The following CEP164 variants were observed in gnomAD, a reference collection of about 807,000 sequenced individuals.
CEP164 encodes centrosomal protein 164, also known as centrosomal protein of 164 kDa.
In CEP164, 162 loss-of-function variants were observed where a neutral mutation model predicts 182.7. The observed-to-expected ratio is 0.89, with a 90% CI of 0.78 to 1.01. CEP164 has a LOEUF of 1.01. Among genes scored for constraint, CEP164 ranks in the 50% least tolerant of loss-of-function variants. The pLI is 0.00. For missense variants in CEP164, 1,735 were observed against 1,790.4 expected (o/e 0.97, Z 0.56); for synonymous variants, 661 against 690.0 (o/e 0.96, Z 0.66).
In CEP164 at chr11:117,412,323, AGC is replaced by A; in HGVS notation, c.*156_*157del. 1.6e-6 allele frequency: 1 copy of A among 614,536 alleles called. No homozygotes were observed. Among genetic ancestry groups the A allele is most frequent in the South Asian group, 2.0e-5 (1 of 50,610 alleles). 38.1% of individuals were successfully genotyped at this position (614,536 alleles called of 1,614,324 possible). A position where few individuals can be genotyped will look rare whatever the true frequency, so the allele number is the denominator to read the frequency against. On this transcript the variant is annotated 3_prime_UTR_variant, in exon 33 of 33. Transcript: ENST00000278935. ...ACCAGGGGGTTGAGTGGAACAGTAAAGCCACACATTCTGTGACTATATAACCT... is the reference window on the plus strand; with the variant it reads ...ACCAGGGGGTTGAGTGGAACAGTAAACACACATTCTGTGACTATATAACCT...
At position 117,387,252 on chromosome 11, in the gene CEP164, C is replaced by G; in HGVS notation, c.1774C>G (p.Leu592Val). 1 of 1,614,204 alleles carries G rather than the reference C, an allele frequency of 6.2e-7. No individual in the cohort carries two copies. The highest frequency in any genetic ancestry group is 8.5e-7 in the Non-Finnish European group (1 of 1,180,028). ...CCCAGAGCAGCTCTCAGAGGCTGCACTAAAGGCCATGGAAGAGGCAGTGGC... is the reference window on the plus strand; with the variant it reads ...CCCAGAGCAGCTCTCAGAGGCTGCAGTAAAGGCCATGGAAGAGGCAGTGGC... ...APPEQLSEAA[L>V]KAMEEAVAQV... is the part of the protein sequence containing the mutation. Residue 592 changes from leucine (L) to valine (V), a missense_variant, in exon 15 of 33, where the codon CTA becomes GTA. By Grantham distance (32) the Leu-to-Val change is conservative (BLOSUM62 1). Transcript: ENST00000278935.
intron 3 of CEP164, among the ~76,000 whole-genome samples, chr11:117,343,487 A>C (rs1180400534): frequency 6.6e-6 from 1 of 152,152 alleles, no homozygotes; most frequent in African/African-American, 2.4e-5. Context: ...GTGCTTTTGC[A>C]CCAAGCTTTT....
In CEP164 at chr11:117,371,061, ATGGTCTGT is replaced by A. The variant is rs1262539221; in HGVS notation, c.766-16_766-9del. ...CATTCCTTTTGTCTTCCTTTCTAAC[ATGGTCTGT>A]TGCTCCCTAGGAGTCTCTGAGAACA... On this transcript the variant is annotated splice_polypyrimidine_tract_variant and intron_variant, in intron 8 of 32. Coordinates refer to ENST00000278935, the MANE Select transcript of CEP164 (RefSeq NM_014956.5). The A allele has an allele frequency of 5.8e-6, 9 of 1,545,868 alleles. No individual in the cohort carries two copies. The highest frequency in any genetic ancestry group is 2.8e-5 in the African/African-American group (2 of 72,244).
At chr11:117,404,613 G>T (rs1011731921) in intron 27 of CEP164, among the ~76,000 whole-genome samples, 4 of 152,252 alleles carry the variant, frequency 2.6e-5, no homozygotes, top group Non-Finnish European at 5.9e-5. Flanking sequence ...GTGTCTCCCA[G>T]TCAGGAGGCA....
intron 11 of CEP164, among the ~76,000 whole-genome samples, chr11:117,376,261 A>G (rs909055165): frequency 5.9e-5 from 9 of 151,458 alleles, no homozygotes; most frequent in African/African-American, 2.2e-4. Flanking sequence ...CTGGAGGTTC[A>G]CCTCTGACAC....
Position 117,397,096 on chromosome 11 carries a change from C to A in CEP164, c.3284C>A (p.Ser1095Tyr). 6.2e-7 allele frequency: 1 copy of A among 1,613,772 alleles called. No individual in the cohort carries two copies. The highest frequency in any genetic ancestry group is 8.5e-7 in the Non-Finnish European group (1 of 1,179,804). The change falls in exon 27 of 33, where the codon TCC (serine) becomes TAC (tyrosine). Residue 1095 changes from serine to tyrosine, a missense_variant. Ser to Tyr is a moderately radical substitution (Grantham distance 144). Transcript: ENST00000278935. ...CTTCAACTCTCCTGCTCCAGCCTGT[C>A]CTCCCACAATGTCTGGCACCTCCTC... The part of the protein sequence containing the change: ...SKEDLYLDSL[S>Y]SHNVWHLLSA...
chr11:117,391,078 C>T lies in CEP164; in HGVS notation c.2146C>T (p.Gln716Ter). Residue 716 changes from glutamine to a stop codon, truncating the protein, a stop_gained, in exon 17 of 33, where the codon CAG (glutamine) becomes TAG (stop). Coordinates refer to ENST00000278935, the MANE Select transcript of CEP164 (RefSeq NM_014956.5). LOFTEE classifies it high-confidence loss of function. ...QQKAERASLE[Q>*]KNRQMLEQLK... Reference sequence around the variant, plus strand: ...GAAGGCTGAGAGGGCCAGCTTGGAACAGAAAAATAGGCAAATGCTGGAGCA... The same window carrying T: ...GAAGGCTGAGAGGGCCAGCTTGGAATAGAAAAATAGGCAAATGCTGGAGCA... 6.2e-7 allele frequency: 1 copy of T among 1,614,088 alleles called. No individual in the cohort carries two copies. The highest frequency in any genetic ancestry group is 8.5e-7 in the Non-Finnish European group (1 of 1,180,042).
intron 15 of CEP164, among the ~76,000 whole-genome samples, chr11:117,387,705 G>C (rs192491151): frequency 1.3e-5 from 2 of 152,316 alleles, no homozygotes; most frequent in Admixed American, 6.5e-5. Context: ...TGAGCCATCT[G>C]TCACAGTCCC....
intron 27 of CEP164, among the ~76,000 whole-genome samples, chr11:117,407,025 A>T (rs1468652783): frequency 1.3e-5 from 2 of 151,882 alleles, no homozygotes; most frequent in Admixed American, 1.3e-4. Flanking sequence ...ACCCAGGAGG[A>T]GGTGGAGGTT....
At chr11:117,325,415 C>T (rs865940903), upstream of CEP164, among the ~76,000 whole-genome samples, 3 of 149,830 alleles carry the variant, frequency 2.0e-5, no homozygotes, top group South Asian at 2.1e-4. Context: ...GACAGAGCTT[C>T]GCTCTTGTCA....
At chr11:117,363,611 A>G in intron 8 of CEP164, 105 bp downstream of exon 8, 1 of 765,824 alleles carries the variant, frequency 1.3e-6, no homozygotes, top group Non-Finnish European at 2.1e-6. Flanking sequence ...AAAAAGAACC[A>G]TTTTGTCCCA....
At chr11:117,408,812 C>T (rs755685114) in intron 28 of CEP164, 78 bp from the exon 29 acceptor site, 58 of 1,578,258 alleles carry the variant, frequency 3.7e-5, no homozygotes, top group Admixed American at 6.9e-5. Context: ...AGTGTCCCAG[C>T]CACTTCCTAG....
intron 12 of CEP164, 33 bp downstream of exon 12, chr11:117,380,738 T>G: frequency 8.5e-6 from 13 of 1,535,466 alleles, no homozygotes; most frequent in Middle Eastern, 2.2e-4. Flanking sequence ...CCCAGCGCTG[T>G]GCCTTCAGGG....
At chr11:117,337,582 C>T (rs2037392051) in intron 2 of CEP164, among the ~76,000 whole-genome samples, 1 of 151,868 alleles carries the variant, frequency 6.6e-6, no homozygotes, top group Non-Finnish European at 1.5e-5. Context: ...ACTTTTCCCC[C>T]ATATCCTGGT....
intron 13 of CEP164, 37 bp from the exon 14 acceptor site, chr11:117,382,759 C>CT: frequency 6.2e-7 from 1 of 1,604,468 alleles, no homozygotes; most frequent in East Asian, 2.2e-5. Flanking sequence ...TGCTTTCTTA[C>CT]TGGCTTTAAC....
In CEP164 at chr11:117,339,515, G is replaced by GT. The variant is rs1199425322; in HGVS notation, c.82+853dup. ...GTATTACCTTATTACCTTTTCCTTT[G>GT]TTTTTTGTTTTTTTTTTTTTTTTTT... On this transcript the variant is annotated intron_variant, in intron 3 of 32. Transcript: ENST00000278935. 2.6e-3 allele frequency among the ~76,000 whole-genome samples: 235 copies of GT among 90,868 alleles called. 16 individuals carry two copies. Among genetic ancestry groups the GT allele is most frequent in the South Asian group, 0.016 (39 of 2,438 alleles). The allele number at this position is 90,868 out of a possible 152,430, so 59.6% of individuals were successfully genotyped here. A position where few individuals can be genotyped will look rare whatever the true frequency, so the allele number is the denominator to read the frequency against.
intron 9 of CEP164, among the ~76,000 whole-genome samples, chr11:117,372,356 C>A (rs986489063): frequency 8.5e-5 from 13 of 152,192 alleles, no homozygotes; most frequent in Admixed American, 3.3e-4. Context: ...CTCGATCTGC[C>A]CGCCTCGGCC....
intron 2 of CEP164, among the ~76,000 whole-genome samples, chr11:117,337,103 C>T (rs1015288742): frequency 5.9e-5 from 9 of 152,120 alleles, no homozygotes; most frequent in African/African-American, 1.9e-4. Flanking sequence ...CTTGGGCTGC[C>T]GTAACACAAT....
In CEP164 at chr11:117,338,552, C is replaced by A; in HGVS notation, c.-21-14C>A. ...ACTGATTTTTCTCTTTTGGTGGGGG[C>A]CTCTGGGATCTAGGTGTTTGAGCCC... On this transcript the variant is annotated splice_polypyrimidine_tract_variant and intron_variant, in intron 2 of 32. Coordinates refer to ENST00000278935, the MANE Select transcript of CEP164 (RefSeq NM_014956.5). 2 of 1,574,926 alleles carry A rather than the reference C, an allele frequency of 1.3e-6. No homozygotes were observed. The highest frequency in any genetic ancestry group is 1.7e-6 in the Non-Finnish European group (2 of 1,144,820).
Sources: gnomAD v4.1 joint callset for allele counts (sites outside exome capture counted in the v4.1 genomes callset) on GRCh38, gnomAD v4.1.1 for gene constraint, MANE v1.5 for transcripts, NCBI Gene and HGNC (gene_info 2026-07-23, HGNC 2026-07-21) for gene names.